The following MUC3A variants were observed in gnomAD, a reference collection of about 807,000 sequenced individuals.
MUC3A encodes mucin 3A, cell surface associated.
A neutral mutation model predicts 109.0 loss-of-function variants in MUC3A; 109 were observed. The ratio of observed to expected loss-of-function variants is 1.00; its 90% CI spans 0.86 to 1.17. The LOEUF is 1.17. Among genes scored for constraint, MUC3A ranks in the 50% most tolerant of loss-of-function variants. The pLI is 0.00. For synonymous variants in MUC3A, 1,398 were observed against 981.4 expected (o/e 1.42, Z -7.93); for missense variants, 3,537 against 2,469.4 (o/e 1.43, Z -9.16).
rs1249690136 is a variant in MUC3A at position 100,967,165 on chromosome 7, C to T, written c.*3C>T. The stretch of plus-strand genomic sequence containing the variant: ...AGATGACCTCGTCCTCAGTGTGAGC[C>T]CTGCGGGGCCCCTTCACCACCCCCT... On this transcript the variant is annotated 3_prime_UTR_variant, in exon 12 of 12. Coordinates refer to ENST00000379458, the MANE Select transcript of MUC3A (RefSeq NM_005960.2). 6.9e-6 allele frequency: 11 copies of T among 1,598,424 alleles called. No homozygotes were observed. The highest frequency in any genetic ancestry group is 9.3e-6 in the Non-Finnish European group (11 of 1,179,822).
Position 100,966,501 on chromosome 7 carries a change from C to T in MUC3A, c.9727C>T (p.Leu3243=). 3 of 1,307,406 alleles carry T rather than the reference C, an allele frequency of 2.3e-6. No individual in the cohort carries two copies. Among genetic ancestry groups the T allele is most frequent in the Non-Finnish European group, 2.9e-6 (3 of 1,037,572 alleles). 81.0% of individuals were successfully genotyped at this position (1,307,406 alleles called of 1,614,324 possible). ...AGAALLVLLL[L]ALGVRAVRSG... The stretch of plus-strand genomic sequence containing the variant: ...CGCCGCGCTGCTGGTGCTGCTGCTG[C>T]TGGCGCTGGGCGTCCGGGCGGTGCG... Residue 3243 remains leucine, a synonymous_variant, in exon 9 of 12, where the codon CTG becomes TTG. Coordinates refer to ENST00000379458, the MANE Select transcript of MUC3A (RefSeq NM_005960.2).
chr7:100,965,063 A>G, intron 6 of MUC3A: 2 of 1,112,356 alleles, frequency 1.8e-6, no homozygotes, highest in Non-Finnish European at 2.5e-6. Flanking sequence ...TGTCATGGTC[A>G]GCATTTCCCG....
At chr7:100,950,759 C>G (rs1440065441) in intron 1 of MUC3A, among the ~76,000 whole-genome samples, 1 of 152,312 alleles carries the variant, frequency 6.6e-6, no homozygotes, top group Non-Finnish European at 1.5e-5. Context: ...TGCTTGTAAA[C>G]TAATGAATCC....
intron 3 of MUC3A, 29 bp downstream of exon 3, chr7:100,960,966 C>G: frequency 3.1e-6 from 5 of 1,598,464 alleles, no homozygotes; most frequent in Non-Finnish European, 4.2e-6. Context: ...GCCTTCTGCA[C>G]TTCCTCCCAC....
Position 100,960,117 on chromosome 7 carries a change from G to A in MUC3A, c.8338G>A (p.Ala2780Thr), listed in dbSNP as rs1334511046. Residue 2780 changes from alanine (A) to threonine (T), a missense_variant, in exon 2 of 12, where the codon GCC (alanine) becomes ACC (threonine). Transcript: ENST00000379458. ...AACTATAACAATTACCATAGTCCCT[G>A]CCTCCCCCACTGATCCATGTGTTGA... Reference protein sequence around the residue: ...PGTITITIVPASPTDPCVEMD... With the variant: ...PGTITITIVPTSPTDPCVEMD... 6 of 1,539,332 alleles carry A rather than the reference G, an allele frequency of 3.9e-6. No individual in the cohort carries two copies. The highest frequency in any genetic ancestry group is 5.2e-6 in the Non-Finnish European group (6 of 1,150,030).
rs998128674 is a variant in MUC3A at position 100,953,584 on chromosome 7, C to T, written c.1805C>T (p.Thr602Ile). The change falls in exon 2 of 12, where the codon ACC (threonine) becomes ATC (isoleucine). Residue 602 changes from threonine to isoleucine, a missense_variant. Physicochemically the swap from Thr to Ile is moderately conservative, Grantham distance 89 (BLOSUM62 -1). Transcript: ENST00000379458. ...ACAGGAACAGGTCAGACCACCTTCACCAGCTCTACAGCCACATTTCCTGAG... is the reference window on the plus strand; with the variant it reads ...ACAGGAACAGGTCAGACCACCTTCATCAGCTCTACAGCCACATTTCCTGAG... ...ATTGTGQTTF[T>I]SSTATFPETT... 1 of 440,908 alleles carries T rather than the reference C, an allele frequency of 2.3e-6. No homozygotes were observed. The highest frequency in any genetic ancestry group is 4.0e-6 in the Non-Finnish European group (1 of 251,756). 27.3% of individuals were successfully genotyped at this position (440,908 alleles called of 1,614,324 possible). A position where few individuals can be genotyped will look rare whatever the true frequency, so the allele number is the denominator to read the frequency against.
intron 3 of MUC3A, among the ~76,000 whole-genome samples, chr7:100,961,780 A>G (rs892915680): frequency 6.6e-6 from 1 of 152,308 alleles, no homozygotes; most frequent in African/African-American, 2.4e-5. Flanking sequence ...GCCACTGCAC[A>G]CTAGCGTAGA....
In MUC3A at chr7:100,968,001, C is replaced by CCAT. The variant is rs1792691194; in HGVS notation, c.*839_*840insCAT. On this transcript the variant is annotated 3_prime_UTR_variant, in exon 12 of 12. Transcript: ENST00000379458. ...CCCAGCTGCTGTTCCCCCCATCACC[C>CCAT]TGCTGCCCAATTCTTTATTCTCCAC... The CCAT allele has an allele frequency of 1.7e-5, 1 of 60,152 alleles. No homozygotes were observed. The highest frequency in any genetic ancestry group is 1.5e-4 in the Admixed American group (1 of 6,654). 3.7% of individuals were successfully genotyped at this position (60,152 alleles called of 1,614,324 possible).
intron 3 of MUC3A, 45 bp downstream of exon 3, chr7:100,960,982 G>C: frequency 1.3e-6 from 2 of 1,598,306 alleles, no homozygotes; most frequent in Non-Finnish European, 1.7e-6. Flanking sequence ...CCCACAGGGT[G>C]TCACTGACTC....
At chr7:100,967,083 T>TA (rs1792613314) in intron 11 of MUC3A, 38 bp from the exon 12 acceptor site, 2 of 1,598,530 alleles carry the variant, frequency 1.3e-6, no homozygotes, top group Non-Finnish European at 1.7e-6. Context: ...CCCAAACCAG[T>TA]GGCTCCGCGT....
intron 5 of MUC3A, chr7:100,964,198 TAGGC>T (rs1792443848): frequency 3.2e-5 from 8 of 249,230 alleles, no homozygotes; most frequent in African/African-American, 1.6e-4. Flanking sequence ...GCACTTTGGG[TAGGC>T]TAGGCGGGTG....
Position 100,967,359 on chromosome 7 carries a change from T to TC in MUC3A, c.*199dup, listed in dbSNP as rs1792635485. On this transcript the variant is annotated 3_prime_UTR_variant, in exon 12 of 12. Transcript: ENST00000379458. ...AACCCACCTGGAGACGCAGTTCACG[T>TC]CCAGGCTCTTCCACTGTGGAATCTT... 7.5e-6 allele frequency: 6 copies of TC among 799,248 alleles called. No individual in the cohort carries two copies. The Admixed American group carries it at 1.6e-4, about 22-fold the overall frequency. 49.5% of individuals were successfully genotyped at this position (799,248 alleles called of 1,614,324 possible).
At position 100,957,453 on chromosome 7, in the gene MUC3A, T is replaced by C; in HGVS notation, c.5674T>C (p.Leu1892=). 2 of 1,379,370 alleles carry C rather than the reference T, an allele frequency of 1.4e-6. No individual in the cohort carries two copies. Among genetic ancestry groups the C allele is most frequent in the Middle Eastern group, 1.8e-4 (1 of 5,452 alleles). The allele number at this position is 1,379,370 out of a possible 1,614,324, so 85.4% of individuals were successfully genotyped here. A position where few individuals can be genotyped will look rare whatever the true frequency, so the allele number is the denominator to read the frequency against. The change falls in exon 2 of 12, where the codon TTG becomes CTG. Residue 1892 remains leucine (L), a synonymous_variant. Coordinates refer to ENST00000379458, the MANE Select transcript of MUC3A (RefSeq NM_005960.2). The part of the protein sequence containing the change: ...TVTATVPTTN[L]VTTTTKITSH... ...AACAGCCACAGTTCCAACAACAAACTTGGTAACCACGACCACCAAGATCAC... is the reference window on the plus strand; with the variant it reads ...AACAGCCACAGTTCCAACAACAAACCTGGTAACCACGACCACCAAGATCAC...
intron 6 of MUC3A, 26 bp downstream of exon 6, chr7:100,964,869 C>T: frequency 6.3e-7 from 1 of 1,586,072 alleles, no homozygotes; most frequent in Non-Finnish European, 8.5e-7. Flanking sequence ...AGGGAGGGGC[C>T]AGGGCCTGAG....
At position 100,957,742 on chromosome 7, in the gene MUC3A, G is replaced by A. The variant is rs1792139751; in HGVS notation, c.5963G>A (p.Ser1988Asn). The A allele has an allele frequency of 8.5e-6, 11 of 1,288,284 alleles. No individual in the cohort carries two copies. Among genetic ancestry groups the A allele is most frequent in the Non-Finnish European group, 1.1e-5 (10 of 938,540 alleles). 79.8% of individuals were successfully genotyped at this position (1,288,284 alleles called of 1,614,324 possible). A position where few individuals can be genotyped will look rare whatever the true frequency, so the allele number is the denominator to read the frequency against. Reference protein sequence around the residue: ...SITTTKTTSHSTPSYTSLITT... With the variant: ...SITTTKTTSHNTPSYTSLITT... ...ACCACCACCAAGACCACCTCACACAGTACTCCCAGCTACACTTCTTTGATC... is the reference window on the plus strand; with the variant it reads ...ACCACCACCAAGACCACCTCACACAATACTCCCAGCTACACTTCTTTGATC... Residue 1988 changes from serine to asparagine, a missense_variant, in exon 2 of 12, where the codon AGT (serine) becomes AAT (asparagine). Ser to Asn is a conservative substitution (Grantham distance 46). Coordinates refer to ENST00000379458, the MANE Select transcript of MUC3A (RefSeq NM_005960.2).
Position 100,958,795 on chromosome 7 carries a change from G to A in MUC3A, c.7016G>A (p.Arg2339His), listed in dbSNP as rs559034967. 59 of 619,346 alleles carry A rather than the reference G, an allele frequency of 9.5e-5. No individual in the cohort carries two copies. The African/African-American group carries it at 2.2e-3, about 23-fold the overall frequency. 38.4% of individuals were successfully genotyped at this position (619,346 alleles called of 1,614,324 possible). A position where few individuals can be genotyped will look rare whatever the true frequency, so the allele number is the denominator to read the frequency against. ...TTTETTSHNT[R>H]SFTSSITTTE... ...ACCGAGACCACCTCACACAATACTC[G>A]CAGCTTCACTTCTTCGATCACCACC... The change falls in exon 2 of 12, where the codon CGC (arginine) becomes CAC (histidine). Residue 2339 changes from arginine (R) to histidine (H), a missense_variant. Coordinates refer to ENST00000379458, the MANE Select transcript of MUC3A (RefSeq NM_005960.2).
rs1792056989 is a variant in MUC3A at position 100,954,715 on chromosome 7, C to G, written c.2936C>G (p.Ser979Cys). 2.5e-6 allele frequency: 1 copy of G among 400,698 alleles called. No homozygotes were observed. Among genetic ancestry groups the G allele is most frequent in the South Asian group, 1.3e-4 (1 of 7,976 alleles). 24.8% of individuals were successfully genotyped at this position (400,698 alleles called of 1,614,324 possible). The change falls in exon 2 of 12, where the codon TCT (serine) becomes TGT (cysteine). Residue 979 changes from serine (S) to cysteine (C), a missense_variant. Coordinates refer to ENST00000379458, the MANE Select transcript of MUC3A (RefSeq NM_005960.2). ...TGRGQTTFPS[S>C]TATFPETTTL... ...AGAGGTCAGACCACCTTTCCCAGCT[C>G]TACAGCCACATTCCCTGAGACCACT... is the stretch of plus-strand genomic sequence containing the variant.
Position 100,954,501 on chromosome 7 carries a change from C to T in MUC3A, c.2722C>T (p.His908Tyr), listed in dbSNP as rs910994275. ...RSLLTSFPMT[H>Y]SFSSSMSESS... ...CCTCCTGACAAGCTTTCCAATGACACATTCATTCTCTTCTTCTATGTCTGA... is the reference window on the plus strand; with the variant it reads ...CCTCCTGACAAGCTTTCCAATGACATATTCATTCTCTTCTTCTATGTCTGA... Residue 908 changes from histidine (H) to tyrosine (Y), a missense_variant, in exon 2 of 12, where the codon CAT (histidine) becomes TAT (tyrosine). Physicochemically the swap from His to Tyr is moderately conservative, Grantham distance 83. Coordinates refer to ENST00000379458, the MANE Select transcript of MUC3A (RefSeq NM_005960.2). The T allele has an allele frequency of 0.051, 20,310 of 400,136 alleles. 37 individuals are homozygous for T. The highest frequency in any genetic ancestry group is 0.25 in the African/African-American group (11,730 of 46,734). The allele number at this position is 400,136 out of a possible 1,614,324, so 24.8% of individuals were successfully genotyped here.
In MUC3A at chr7:100,952,810, TCA is replaced by T; in HGVS notation, c.1034_1035del (p.Thr345ArgfsTer48). On this transcript the variant is annotated frameshift_variant, in exon 2 of 12. Coordinates refer to ENST00000379458, the MANE Select transcript of MUC3A (RefSeq NM_005960.2). LOFTEE classifies it high-confidence loss of function. ...TACACTACTTCTCCCACCAGCACTG[TCA>T]CAGACTCCACTACCAAAATCGCCTA... 6.5e-7 allele frequency: 1 copy of T among 1,543,252 alleles called. No individual in the cohort carries two copies. Among genetic ancestry groups the T allele is most frequent in the African/African-American group, 1.4e-5 (1 of 73,318 alleles).
Sources: allele counts gnomAD v4.1 joint callset (sites outside exome capture counted in the v4.1 genomes callset), GRCh38; gene constraint gnomAD v4.1.1; transcripts MANE v1.5; gene names NCBI Gene and HGNC (gene_info 2026-07-23, HGNC 2026-07-21).